CDC73: variants seen among roughly 807,000 people sequenced by gnomAD.
The protein encoded by CDC73 is parafibromin.
Under a neutral mutation model 83.7 loss-of-function variants are expected in CDC73, and 21 were observed. That is an observed-to-expected ratio of 0.25 (90% CI 0.18 to 0.36). The LOEUF (loss-of-function observed/expected upper bound fraction) is 0.36, where lower values mean the gene tolerates loss of function less well. CDC73 is among the 10% of genes least tolerant of loss of function. The probability of loss-of-function intolerance (pLI) is 1.00; values close to 1 mark genes in which losing one functional copy is unlikely to be tolerated. For missense variants in CDC73, 342 were observed against 653.3 expected (o/e 0.52, Z 5.19); for synonymous variants, 224 against 212.9 (o/e 1.05, Z -0.45).
intron 10 of CDC73, among the ~76,000 whole-genome samples, chr1:193,173,151 T>C (rs1185962768): frequency 1.3e-5 from 2 of 152,330 alleles, no homozygotes; most frequent in Middle Eastern, 3.4e-3. Flanking sequence ...GGTTGTGCTT[T>C]TTTGTGATCT....
chr1:193,234,150 TTCTCTCTCTC>T (rs1301715434), intron 14 of CDC73, among the ~76,000 whole-genome samples: 2 of 107,444 alleles, frequency 1.9e-5, no homozygotes, highest in African/African-American at 3.8e-5. Context: ...GGTAGGATAA[TTCTCTCTCTC>T]TCTCTCTCTC....
intron 3 of CDC73, among the ~76,000 whole-genome samples, chr1:193,131,458 C>T (rs1352839250): frequency 6.6e-6 from 1 of 152,182 alleles, no homozygotes; most frequent in Admixed American, 6.5e-5. Flanking sequence ...GGTCCCCACT[C>T]TTTATTTCCT....
chr1:193,152,049 A>C (rs1350449514), intron 9 of CDC73, among the ~76,000 whole-genome samples: 2 of 152,208 alleles, frequency 1.3e-5, no homozygotes, highest in East Asian at 1.9e-4. Context: ...AGATGCTTTT[A>C]GTGGTACTAT....
At chr1:193,123,924 T>G (rs1675515458) in intron 1 of CDC73, among the ~76,000 whole-genome samples, 1 of 152,246 alleles carries the variant, frequency 6.6e-6, no homozygotes, top group Non-Finnish European at 1.5e-5. Flanking sequence ...TAGAATTGTC[T>G]TTGGCAAGTT....
At chr1:193,211,907 C>T (rs1677285559) in intron 11 of CDC73, among the ~76,000 whole-genome samples, 158 bp from the exon 12 acceptor site, 1 of 152,088 alleles carries the variant, frequency 6.6e-6, no homozygotes, top group African/African-American at 2.4e-5. Context: ...ATATTTTTGT[C>T]AAACAGTGTT....
chr1:193,174,390 A>G (rs184780185), intron 10 of CDC73, among the ~76,000 whole-genome samples: 59 of 152,256 alleles, frequency 3.9e-4, no homozygotes, highest in African/African-American at 1.3e-3. Flanking sequence ...GAAGGTAGAA[A>G]CTATGTCTTT....
intron 7 of CDC73, among the ~76,000 whole-genome samples, chr1:193,145,488 C>G (rs200365918): frequency 6.6e-6 from 1 of 151,968 alleles, no homozygotes; most frequent in African/African-American, 2.4e-5. Flanking sequence ...AGGAAATTTG[C>G]AAAAATTTAA....
chr1:193,138,393 C>G (rs1205227212), intron 6 of CDC73, among the ~76,000 whole-genome samples: 1 of 152,128 alleles, frequency 6.6e-6, no homozygotes, highest in Non-Finnish European at 1.5e-5. Flanking sequence ...GTTGGTCTTT[C>G]TTTTTAAAAA....
chr1:193,200,758 C>T (rs1013331088), intron 10 of CDC73, among the ~76,000 whole-genome samples: 5 of 150,640 alleles, frequency 3.3e-5, no homozygotes, highest in African/African-American at 7.3e-5. Flanking sequence ...TAATACATTC[C>T]GTGTGTGTGT....
intron 10 of CDC73, among the ~76,000 whole-genome samples, chr1:193,198,831 C>A (rs904301075): frequency 6.6e-6 from 1 of 152,172 alleles, no homozygotes; most frequent in Non-Finnish European, 1.5e-5. Context: ...GTGACCTGGG[C>A]AAGTAACTGG....
At chr1:193,201,786 C>G (rs1321054419) in intron 10 of CDC73, among the ~76,000 whole-genome samples, 2 of 151,998 alleles carry the variant, frequency 1.3e-5, no homozygotes, top group East Asian at 3.8e-4. Flanking sequence ...TTGCCTGACC[C>G]ATGTTGTAAA....
At chr1:193,184,567 C>T (rs1021535116) in intron 10 of CDC73, among the ~76,000 whole-genome samples, 1 of 151,866 alleles carries the variant, frequency 6.6e-6, no homozygotes, top group African/African-American at 2.4e-5. Flanking sequence ...AGTACACACT[C>T]AGTTTTTATC....
At chr1:193,220,972 A>G (rs538623484) in intron 13 of CDC73, among the ~76,000 whole-genome samples, 2 of 152,202 alleles carry the variant, frequency 1.3e-5, no homozygotes, top group South Asian at 4.1e-4. Context: ...ATGGCTTTTC[A>G]TGATTTATAA....
intron 10 of CDC73, among the ~76,000 whole-genome samples, chr1:193,194,961 A>G (rs887195071): frequency 3.9e-5 from 6 of 152,122 alleles, no homozygotes; most frequent in African/African-American, 1.2e-4. Flanking sequence ...TAGATTTAGT[A>G]TATTAGTTAT....
chr1:193,167,102 CT>C (rs1404530701), intron 10 of CDC73, among the ~76,000 whole-genome samples: 1 of 152,100 alleles, frequency 6.6e-6, no homozygotes, highest in Admixed American at 6.6e-5. Context: ...CATAACCCTC[CT>C]TTGGCAGTGA....
intron 10 of CDC73, among the ~76,000 whole-genome samples, chr1:193,156,136 T>A (rs1036940423): frequency 3.3e-5 from 5 of 152,210 alleles, no homozygotes; most frequent in African/African-American, 1.2e-4. Context: ...AGGTCTGTTT[T>A]TGTTAGTTTG....
intron 10 of CDC73, among the ~76,000 whole-genome samples, chr1:193,162,318 C>G (rs573930918): frequency 8.0e-6 from 1 of 124,600 alleles, no homozygotes; most frequent in Non-Finnish European, 1.6e-5. Flanking sequence ...TATTATATAT[C>G]ATATATACTA....
intron 16 of CDC73, 53 bp downstream of exon 16, chr1:193,249,924 C>T: frequency 6.3e-7 from 1 of 1,574,804 alleles, no homozygotes; most frequent in Non-Finnish European, 8.7e-7. Context: ...ATTTTTCTGT[C>T]TCAGTTAAAT....
intron 13 of CDC73, among the ~76,000 whole-genome samples, chr1:193,221,329 C>A (rs143437558): frequency 1.4e-3 from 209 of 152,252 alleles, no homozygotes; most frequent in Non-Finnish European, 2.1e-3. Context: ...GTCATATCCA[C>A]GCCTGGGACT....
Sources: gnomAD v4.1 joint callset for allele counts (sites outside exome capture counted in the v4.1 genomes callset) on GRCh38, gnomAD v4.1.1 for gene constraint, MANE v1.5 for transcripts, NCBI Gene and HGNC (gene_info 2026-07-23, HGNC 2026-07-21) for gene names.